Variants in PAPPA observed in about 807,000 individuals in gnomAD.
PAPPA encodes pappalysin 1.
In PAPPA, 60 loss-of-function variants were observed where a neutral mutation model predicts 164.0. That is an observed-to-expected ratio of 0.37 (90% CI 0.30 to 0.45). PAPPA has a LOEUF of 0.45. Ranked by LOEUF, PAPPA falls within the 20% of genes least tolerant of loss-of-function variation. The pLI, the probability that PAPPA is intolerant of heterozygous loss-of-function variation, is 1.00. For synonymous variants in PAPPA, 875 were observed against 814.1 expected (o/e 1.07, Z -1.27); for missense variants, 1,782 against 2,087.3 (o/e 0.85, Z 2.85).
chr9:116,259,669 C>A (rs1015728805), intron 7 of PAPPA, among the ~76,000 whole-genome samples: 15 of 152,142 alleles, frequency 9.9e-5, no homozygotes, highest in Admixed American at 2.0e-4. Flanking sequence ...CAAGGACCAG[C>A]ACTTTGGGAA....
intron 7 of PAPPA, among the ~76,000 whole-genome samples, chr9:116,250,465 T>C (rs1330157467): frequency 1.3e-5 from 2 of 152,176 alleles, no homozygotes; most frequent in African/African-American, 4.8e-5. Context: ...CTTGCGGCCA[T>C]TTATTTCCCA....
intron 21 of PAPPA, among the ~76,000 whole-genome samples, chr9:116,383,534 TAGAA>T (rs56156639): frequency 0.39 from 58,974 of 151,890 alleles, 11,849 homozygotes; most frequent in Middle Eastern, 0.44. Flanking sequence ...AAGTGAATGA[TAGAA>T]AGAGTGAGGT....
At chr9:116,158,352 GC>G (rs2118970547) in intron 1 of PAPPA, among the ~76,000 whole-genome samples, 1 of 152,194 alleles carries the variant, frequency 6.6e-6, no homozygotes, top group African/African-American at 2.4e-5. Context: ...TATTAACAAG[GC>G]TTTTCCCCAG....
chr9:116,159,118 A>G (rs1843635555), intron 1 of PAPPA, among the ~76,000 whole-genome samples: 1 of 152,208 alleles, frequency 6.6e-6, no homozygotes, highest in African/African-American at 2.4e-5. Flanking sequence ...TTCTTTTCAC[A>G]TCAAATTATC....
chr9:116,177,636 G>T (rs1285892923), intron 1 of PAPPA, among the ~76,000 whole-genome samples: 1 of 152,166 alleles, frequency 6.6e-6, no homozygotes, highest in Non-Finnish European at 1.5e-5. Flanking sequence ...ACTGGTCCTT[G>T]ACCATTTTCT....
intron 10 of PAPPA, among the ~76,000 whole-genome samples, chr9:116,307,402 C>A (rs1258685337): frequency 6.6e-6 from 1 of 152,012 alleles, no homozygotes. Context: ...GAGTTTGAGG[C>A]CAGCCTGACC....
chr9:116,231,663 ATGGATG>A (rs1844594018), intron 6 of PAPPA, among the ~76,000 whole-genome samples: 4 of 154 alleles, frequency 0.026, no homozygotes, highest in Middle Eastern at 0.5. Context: ...GAATGGGCGG[ATGGATG>A]GATGGATGGA....
At chr9:116,259,815 C>CTATG (rs1315861980) in intron 7 of PAPPA, among the ~76,000 whole-genome samples, 1 of 152,026 alleles carries the variant, frequency 6.6e-6, no homozygotes, top group Non-Finnish European at 1.5e-5. Context: ...AAAACTCTTG[C>CTATG]TATGTGCACA....
chr9:116,179,899 C>A (rs1460654611), intron 1 of PAPPA, among the ~76,000 whole-genome samples: 1 of 152,136 alleles, frequency 6.6e-6, no homozygotes, highest in Admixed American at 6.5e-5. Context: ...CAGCTCCAAC[C>A]TTTAGCTTTT....
intron 21 of PAPPA, among the ~76,000 whole-genome samples, chr9:116,387,516 G>C (rs1248498376): frequency 5.3e-5 from 8 of 152,082 alleles, no homozygotes; most frequent in African/African-American, 1.4e-4. Flanking sequence ...TGGGACTACA[G>C]ACACACACCA....
At chr9:116,295,164 C>G (rs1481769864) in intron 9 of PAPPA, among the ~76,000 whole-genome samples, 1 of 152,076 alleles carries the variant, frequency 6.6e-6, no homozygotes, top group East Asian at 1.9e-4. Flanking sequence ...TTAGCCAATA[C>G]CAGTGAATGT....
chr9:116,382,153 C>T (rs1846739670), intron 20 of PAPPA, among the ~76,000 whole-genome samples: 1 of 152,010 alleles, frequency 6.6e-6, no homozygotes, highest in African/African-American at 2.4e-5. Flanking sequence ...TCAGCATAAC[C>T]ATACTCTAGT....
chr9:116,227,921 G>A (rs1844535361), intron 6 of PAPPA, among the ~76,000 whole-genome samples: 1 of 152,102 alleles, frequency 6.6e-6, no homozygotes. Flanking sequence ...ATATTTTGGG[G>A]CTTCAAGGCA....
chr9:116,369,485 C>T (rs1846545016), intron 19 of PAPPA, among the ~76,000 whole-genome samples: 1 of 152,144 alleles, frequency 6.6e-6, no homozygotes, highest in South Asian at 2.1e-4. Context: ...TCCAATACTA[C>T]CAGCTCTCCT....
intron 4 of PAPPA, among the ~76,000 whole-genome samples, chr9:116,214,526 G>A (rs1844347668): frequency 6.6e-6 from 1 of 152,122 alleles, no homozygotes; most frequent in African/African-American, 2.4e-5. Context: ...CTCATTTTCT[G>A]GTTGTGGGGA....
At chr9:116,309,163 C>T (rs551798380) in intron 10 of PAPPA, among the ~76,000 whole-genome samples, 1 of 152,128 alleles carries the variant, frequency 6.6e-6, no homozygotes, top group East Asian at 1.9e-4. Flanking sequence ...GCAGCCTCCA[C>T]CTCCCAGGTT....
rs140900948 is a variant in PAPPA at position 116,227,991 on chromosome 9, T to C, written c.2233+439T>C. ...AGACTATACAGAGCACTTTCACATGTGTTGCAACTATTCCTTTTAATTTCT... is the reference window on the plus strand; with the variant it reads ...AGACTATACAGAGCACTTTCACATGCGTTGCAACTATTCCTTTTAATTTCT... On this transcript the variant is annotated intron_variant, in intron 6 of 21. Coordinates refer to ENST00000328252, the MANE Select transcript of PAPPA (RefSeq NM_002581.5). Among the ~76,000 whole-genome samples, 328 of 152,312 alleles carry C rather than the reference T, an allele frequency of 2.2e-3. 2 individuals carry two copies. Among genetic ancestry groups the C allele is most frequent in the Middle Eastern group, 6.8e-3 (2 of 294 alleles).
chr9:116,214,039 C>G (rs1422844238), intron 4 of PAPPA, among the ~76,000 whole-genome samples: 1 of 152,112 alleles, frequency 6.6e-6, no homozygotes, highest in Non-Finnish European at 1.5e-5. Flanking sequence ...GGCCTGATCA[C>G]TGGTAGGGTA....
In PAPPA at chr9:116,180,996, T is replaced by A. The variant is rs181164143; in HGVS notation, c.416-6158T>A. On this transcript the variant is annotated intron_variant, in intron 1 of 21. Coordinates refer to ENST00000328252, the MANE Select transcript of PAPPA (RefSeq NM_002581.5). Reference sequence around the variant, plus strand: ...CTAGGAGACACCTTGAGGTGAGGAATGTTTCCTGTAAGTGATGAACACACC... The same window carrying A: ...CTAGGAGACACCTTGAGGTGAGGAAAGTTTCCTGTAAGTGATGAACACACC... 3.3e-4 allele frequency among the ~76,000 whole-genome samples: 51 copies of A among 152,334 alleles called. 1 individual carries two copies. The East Asian group carries it at 9.3e-3, about 28-fold the overall frequency.
Sources: allele counts gnomAD v4.1 joint callset (sites outside exome capture counted in the v4.1 genomes callset), GRCh38; gene constraint gnomAD v4.1.1; transcripts MANE v1.5; gene names NCBI Gene and HGNC (gene_info 2026-07-23, HGNC 2026-07-21).